Variants in OTUD7B observed in about 807,000 individuals in gnomAD.
The protein encoded by OTUD7B is OTU deubiquitinase 7B.
OTUD7B carries 34 observed loss-of-function variants against 82.2 expected under a neutral mutation model. That is an observed-to-expected ratio of 0.41 (90% confidence interval 0.31 to 0.55). The LOEUF is 0.55. Among genes scored for constraint, OTUD7B ranks in the 20% least tolerant of loss-of-function variants. The pLI, the probability that OTUD7B is intolerant of heterozygous loss-of-function variation, is 0.20. For synonymous variants in OTUD7B, 398 were observed against 402.7 expected, an observed-to-expected ratio of 0.99 and a Z score of 0.14; for missense variants, 944 against 1,062.1, an observed-to-expected ratio of 0.89 and a Z score of 1.55.
rs1647326668 is a variant in OTUD7B, at chr1:149,942,504, G to A, written c.*1353C>T. 1 of 152,494 alleles carries A rather than the reference G, an allele frequency of 6.6e-6. No individual in the cohort carries two copies. Among genetic ancestry groups the A allele is most frequent in the African/African-American group, 2.4e-5 (1 of 41,436 alleles). The allele number at this position is 152,494 out of a possible 1,614,324, so 9.4% of individuals were successfully genotyped here. ...AGAGAACAGGGAAGGGTCAGGGAAA[G>A]GGAGAAACCTAAAGACAGATCAGCT... On this transcript the variant is annotated 3_prime_UTR_variant, in exon 12 of 12. Transcript: ENST00000581312.
intron 5 of OTUD7B, among the ~76,000 whole-genome samples, chr1:149,964,953 G>C (rs1037610283): frequency 1.5e-4 from 22 of 149,550 alleles, no homozygotes; most frequent in Non-Finnish European, 2.5e-4. Context: ...ACAGTGGTGC[G>C]ATCTCGGCTC....
chr1:149,964,418 G>A, intron 5 of OTUD7B, 69 bp from the exon 6 acceptor site: 2 of 1,528,380 alleles, frequency 1.3e-6, no homozygotes, highest in Non-Finnish European at 1.8e-6. Flanking sequence ...TTTTAGTAGA[G>A]ATGGGGTTTC....
chr1:149,958,018 C>T (rs587727152), intron 7 of OTUD7B, among the ~76,000 whole-genome samples: 140 of 152,326 alleles, frequency 9.2e-4, no homozygotes, highest in Non-Finnish European at 1.7e-3. Context: ...CTTCGGCTCA[C>T]GCTCCGTGGG....
At chr1:149,992,475 T>TTTTTTTTG in intron 1 of OTUD7B, among the ~76,000 whole-genome samples, 1 of 1,562 alleles carries the variant, frequency 6.4e-4, no homozygotes, top group Non-Finnish European at 0.022. Flanking sequence ...GTGTTTTTTT[T>TTTTTTTTG]TTTTTTTTTT....
At chr1:150,006,576 TA>T (rs11355336) in intron 1 of OTUD7B, among the ~76,000 whole-genome samples, 18,131 of 152,038 alleles carry the variant, frequency 0.12, 1,689 homozygotes, top group African/African-American at 0.26. Flanking sequence ...GGTATAATCC[TA>T]AAAAAAACAC....
At chr1:150,056,638 T>C in the OTUD7B span, among the ~76,000 whole-genome samples, 1 of 151,718 alleles carries the variant, frequency 6.6e-6, no homozygotes, top group Non-Finnish European at 1.5e-5. Context: ...CAGAATCAAA[T>C]CCAGGCTCAC....
At chr1:150,052,850 A>G in the OTUD7B span, among the ~76,000 whole-genome samples, 1 of 150,908 alleles carries the variant, frequency 6.6e-6, no homozygotes, top group Non-Finnish European at 1.5e-5. Flanking sequence ...ACATAGACCA[A>G]TGAAACAGAA....
the OTUD7B span, chr1:150,054,239 A>AAACT: frequency 1.1e-5 from 5 of 449,114 alleles, no homozygotes; most frequent in East Asian, 2.5e-4. Flanking sequence ...AAAGCTGTTG[A>AAACT]GCCAAGGAAA....
intron 1 of OTUD7B, among the ~76,000 whole-genome samples, chr1:150,008,008 T>C (rs1157048160): frequency 7.2e-5 from 11 of 152,220 alleles, no homozygotes; most frequent in East Asian, 1.9e-4. Flanking sequence ...ATGCTTAAGA[T>C]ACTCAGGAGC....
intron 1 of OTUD7B, among the ~76,000 whole-genome samples, chr1:150,004,742 C>T (rs1652548420): frequency 6.6e-6 from 1 of 152,118 alleles, no homozygotes; most frequent in Non-Finnish European, 1.5e-5. Context: ...GCCCCAAGAA[C>T]ATCTCAGGTA....
At chr1:150,014,561 T>G (rs371458412), upstream of OTUD7B, among the ~76,000 whole-genome samples, 1 of 152,170 alleles carries the variant, frequency 6.6e-6, no homozygotes, top group Admixed American at 6.5e-5. Flanking sequence ...TTATTCATAA[T>G]AGCTCCAAAC....
At chr1:149,967,581 T>C in intron 3 of OTUD7B, 60 bp from the exon 4 acceptor site, 1 of 1,265,238 alleles carries the variant, frequency 7.9e-7, no homozygotes, top group Non-Finnish European at 1.1e-6. Context: ...AACTCTACAC[T>C]GATGTGGTGA....
intron 10 of OTUD7B, among the ~76,000 whole-genome samples, chr1:149,948,373 TTTC>T (rs1375146385): frequency 0.028 from 177 of 6,216 alleles, 1 homozygote; most frequent in African/African-American, 0.12. Flanking sequence ...ATTTTCTTTC[TTTC>T]TTTTTTTTTT....
chr1:150,026,164 G>A, the OTUD7B span, among the ~76,000 whole-genome samples: 2 of 152,182 alleles, frequency 1.3e-5, no homozygotes, highest in Non-Finnish European at 2.9e-5. Context: ...TTCCTGGAAG[G>A]TGCATACAAT....
At chr1:150,040,841 C>T in the OTUD7B span, among the ~76,000 whole-genome samples, 1 of 151,732 alleles carries the variant, frequency 6.6e-6, no homozygotes, top group Non-Finnish European at 1.5e-5. Flanking sequence ...TCCCAAATAG[C>T]TGGGATTACA....
chr1:149,963,797 C>T (rs1444928792), intron 6 of OTUD7B: 2 of 155,658 alleles, frequency 1.3e-5, no homozygotes, highest in African/African-American at 4.8e-5. Context: ...ATATGAAAAA[C>T]AAATGGTATA....
intron 1 of OTUD7B, among the ~76,000 whole-genome samples, chr1:149,999,670 C>G (rs1445038540): frequency 6.6e-6 from 1 of 152,114 alleles, no homozygotes; most frequent in African/African-American, 2.4e-5. Context: ...TCAAGACCAG[C>G]CTGGGCAACA....
At chr1:149,971,569 AT>A (rs1649939400) in intron 2 of OTUD7B, among the ~76,000 whole-genome samples, 1 of 152,138 alleles carries the variant, frequency 6.6e-6, no homozygotes, top group African/African-American at 2.4e-5. Context: ...GAAGTAAATT[AT>A]TTGCCCAAAG....
In OTUD7B at chr1:149,938,448, A is replaced by C. The variant is rs183936172; in HGVS notation, c.*5409T>G. 22 of 98,106 alleles carry C rather than the reference A, an allele frequency of 2.2e-4. No homozygotes were observed. In the East Asian group the frequency reaches 7.4e-3, roughly 33 times the overall value. 6.1% of individuals were successfully genotyped at this position (98,106 alleles called of 1,614,324 possible). A position where few individuals can be genotyped will look rare whatever the true frequency, so the allele number is the denominator to read the frequency against. On this transcript the variant is annotated 3_prime_UTR_variant, in exon 12 of 12. Coordinates refer to ENST00000581312, the MANE Select transcript of OTUD7B (RefSeq NM_020205.4). ...TACGCTCCAGCCTGGGCAACAGAGC[A>C]AGACTCCATCGCAAAAAAAAAAAAA...
Sources: gnomAD v4.1 joint callset for allele counts (sites outside exome capture counted in the v4.1 genomes callset) on GRCh38, gnomAD v4.1.1 for gene constraint, MANE v1.5 for transcripts, NCBI Gene and HGNC (gene_info 2026-07-23, HGNC 2026-07-21) for gene names.